The following PRKCB variants were observed in gnomAD, a reference collection of about 807,000 sequenced individuals.
The protein encoded by PRKCB is protein kinase C beta type.
PRKCB carries 13 observed loss-of-function variants against 81.5 expected under a neutral mutation model. That is an observed-to-expected ratio of 0.16 (90% CI 0.10 to 0.25). The LOEUF (loss-of-function observed/expected upper bound fraction) is 0.25. Among genes scored for constraint, PRKCB ranks in the 10% least tolerant of loss-of-function variants. PRKCB has a pLI of 1.00. For synonymous variants in PRKCB, 335 were observed against 321.4 expected, an observed-to-expected ratio of 1.04 and a Z score of -0.45; for missense variants, 509 against 875.7, an observed-to-expected ratio of 0.58 and a Z score of 5.29.
At chr16:23,882,044 T>TCCTTCCTTCCTTCCTC in intron 2 of PRKCB, among the ~76,000 whole-genome samples, 1 of 91,220 alleles carries the variant, frequency 1.1e-5, no homozygotes, top group African/African-American at 3.4e-5. Context: ...CTTCCTTCCT[T>TCCTTCCTTCCTTCCTC]CCTTCCTTCC....
intron 5 of PRKCB, among the ~76,000 whole-genome samples, chr16:24,053,342 A>C (rs1965864863): frequency 6.6e-6 from 1 of 152,190 alleles, no homozygotes; most frequent in Admixed American, 6.5e-5. Flanking sequence ...CTTTGGAGCT[A>C]TCTGGTCACT....
chr16:24,032,079 G>A, intron 3 of PRKCB, 57 bp from the exon 4 acceptor site: 1 of 1,264,464 alleles, frequency 7.9e-7, no homozygotes, highest in South Asian at 1.2e-5. Context: ...GATGTAGGAT[G>A]AACCGTTGGC....
chr16:24,220,006 C>G lies in PRKCB; in HGVS notation c.*5190C>G, dbSNP rs2141999144. ...CAACTTCGACAAAGAGTTCACCAGA[C>G]AGCCTGTGGAACTGACCCCCACTGA... On this transcript the variant is annotated 3_prime_UTR_variant, in exon 17 of 17. Transcript: ENST00000643927. The G allele has an allele frequency of 6.2e-7, 1 of 1,614,190 alleles. No homozygotes were observed. The highest frequency in any genetic ancestry group is 1.1e-5 in the South Asian group (1 of 91,086).
chr16:23,841,541 G>A (rs563272328), intron 2 of PRKCB, among the ~76,000 whole-genome samples: 88 of 152,026 alleles, frequency 5.8e-4, no homozygotes, highest in Non-Finnish European at 6.0e-4. Flanking sequence ...AGGCTGGAGG[G>A]CAGTGACATG....
intron 2 of PRKCB, among the ~76,000 whole-genome samples, chr16:23,969,065 G>A (rs1964524331): frequency 6.6e-6 from 1 of 152,156 alleles, no homozygotes; most frequent in Non-Finnish European, 1.5e-5. Context: ...AGCTACTCAG[G>A]AGGCTGAGGC....
intron 2 of PRKCB, among the ~76,000 whole-genome samples, chr16:23,874,088 G>A (rs1003353017): frequency 6.6e-6 from 1 of 152,084 alleles, no homozygotes; most frequent in Non-Finnish European, 1.5e-5. Context: ...CTACACCCAC[G>A]TACACATGTA....
chr16:24,092,199 A>G, intron 5 of PRKCB, among the ~76,000 whole-genome samples: 1 of 152,188 alleles, frequency 6.6e-6, no homozygotes. Flanking sequence ...AGCCTCTGGC[A>G]ACTATTAATA....
chr16:24,033,148 G>A (rs1965569829), intron 4 of PRKCB, among the ~76,000 whole-genome samples: 1 of 152,136 alleles, frequency 6.6e-6, no homozygotes, highest in Admixed American at 6.5e-5. Context: ...TGGAGGTGCT[G>A]GTGGCTCCCA....
intron 2 of PRKCB, among the ~76,000 whole-genome samples, chr16:23,922,015 T>G (rs182323642): frequency 6.6e-6 from 1 of 152,114 alleles, no homozygotes; most frequent in Non-Finnish European, 1.5e-5. Flanking sequence ...CTTGAAGGCA[T>G]GGAAGTTCAT....
intron 3 of PRKCB, among the ~76,000 whole-genome samples, chr16:24,012,715 T>C (rs1468660569): frequency 6.6e-6 from 1 of 152,256 alleles, no homozygotes; most frequent in Non-Finnish European, 1.5e-5. Context: ...TGTGTCAGCG[T>C]ACCACAAGGC....
At position 24,100,268 on chromosome 16, in the gene PRKCB, G is replaced by A. The variant is rs145717336; in HGVS notation, c.821+5971G>A. Among the ~76,000 whole-genome samples the A allele has an allele frequency of 2.7e-4, 41 of 151,992 alleles. No homozygotes were observed. In the East Asian group the frequency reaches 7.2e-3, roughly 27 times the overall value. On this transcript the variant is annotated intron_variant, in intron 7 of 16. Coordinates refer to ENST00000643927, the MANE Select transcript of PRKCB (RefSeq NM_002738.7). ...GTTTTTCTTAGATCCTCTTGGCCGA[G>A]GAGGGGGTCTGTTCTGTCAGTGGGG...
intron 2 of PRKCB, among the ~76,000 whole-genome samples, chr16:23,975,589 C>G (rs757198999): frequency 6.6e-6 from 1 of 152,078 alleles, no homozygotes; most frequent in South Asian, 2.1e-4. Flanking sequence ...CACACGCCCA[C>G]GCCTGAACAC....
At chr16:23,864,549 G>A (rs999806112) in intron 2 of PRKCB, among the ~76,000 whole-genome samples, 3 of 152,220 alleles carry the variant, frequency 2.0e-5, no homozygotes, top group South Asian at 2.1e-4. Flanking sequence ...ATAAGAGGTC[G>A]TTCTAGATTA....
chr16:23,953,318 A>G (rs1478423714), intron 2 of PRKCB, among the ~76,000 whole-genome samples: 1 of 152,090 alleles, frequency 6.6e-6, no homozygotes, highest in African/African-American at 2.4e-5. Flanking sequence ...ACCATCAACA[A>G]TTTCCAGCTT....
intron 2 of PRKCB, among the ~76,000 whole-genome samples, chr16:23,843,972 C>G (rs1962315617): frequency 1.3e-5 from 2 of 152,186 alleles, no homozygotes; most frequent in African/African-American, 4.8e-5. Flanking sequence ...CACACACACA[C>G]ACGTGTATAC....
chr16:24,206,256 C>T (rs1407868097), intron 16 of PRKCB, among the ~76,000 whole-genome samples: 1 of 152,156 alleles, frequency 6.6e-6, no homozygotes, highest in African/African-American at 2.4e-5. Context: ...TCTGATTCTC[C>T]CTGGAGTGGG....
At chr16:23,961,623 A>G (rs1335833102) in intron 2 of PRKCB, among the ~76,000 whole-genome samples, 1 of 152,168 alleles carries the variant, frequency 6.6e-6, no homozygotes, top group African/African-American at 2.4e-5. Flanking sequence ...AACCAATCAC[A>G]GTTGCCACGG....
intron 2 of PRKCB, among the ~76,000 whole-genome samples, chr16:23,854,998 C>T (rs140910101): frequency 1.1e-3 from 164 of 152,250 alleles, no homozygotes; most frequent in Middle Eastern, 3.4e-3. Context: ...ACTTAGTGCA[C>T]ACGCAACACT....
intron 9 of PRKCB, among the ~76,000 whole-genome samples, chr16:24,145,969 C>T (rs1013007958): frequency 1.3e-5 from 2 of 152,230 alleles, no homozygotes; most frequent in Non-Finnish European, 2.9e-5. Context: ...GATGTGGTCA[C>T]TCTGGATTAG....
Sources: gnomAD v4.1 joint callset for allele counts (sites outside exome capture counted in the v4.1 genomes callset) on GRCh38, gnomAD v4.1.1 for gene constraint, MANE v1.5 for transcripts, NCBI Gene and HGNC (gene_info 2026-07-23, HGNC 2026-07-21) for gene names.